The following MARCO variants were observed in gnomAD, a reference collection of about 807,000 sequenced individuals.
MARCO encodes macrophage receptor MARCO.
In MARCO, 72 loss-of-function variants were observed where a neutral mutation model predicts 70.0. The ratio of observed to expected loss-of-function variants is 1.03; its 90% CI spans 0.85 to 1.25. The LOEUF (loss-of-function observed/expected upper bound fraction) is 1.25, where lower values mean the gene tolerates loss of function less well. Among genes scored for constraint, MARCO ranks in the 50% most tolerant of loss-of-function variants. The pLI is 0.00. For missense variants in MARCO, 696 were observed against 659.3 expected (o/e 1.06, Z -0.61); for synonymous variants, 273 against 243.1 (o/e 1.12, Z -1.14).
At chr2:118,947,167 A>G (rs1679616093) in intron 1 of MARCO, among the ~76,000 whole-genome samples, 1 of 152,192 alleles carries the variant, frequency 6.6e-6, no homozygotes, top group African/African-American at 2.4e-5. Context: ...TTTAATTCTG[A>G]CAAGGTCCAA....
intron 1 of MARCO, among the ~76,000 whole-genome samples, chr2:118,954,510 A>T (rs1679791155): frequency 6.6e-6 from 1 of 152,174 alleles, no homozygotes; most frequent in Non-Finnish European, 1.5e-5. Context: ...GACAAAAGAC[A>T]TGTGATATTG....
At chr2:118,958,500 T>A (rs1432465080) in intron 1 of MARCO, among the ~76,000 whole-genome samples, 1 of 151,266 alleles carries the variant, frequency 6.6e-6, no homozygotes, top group Non-Finnish European at 1.5e-5. Flanking sequence ...GCTGAAAGAA[T>A]CATAGATGAC....
Position 118,974,384 on chromosome 2 carries a change from C to T in MARCO, c.512C>T (p.Pro171Leu), listed in dbSNP as rs150463190. 771 of 1,611,436 alleles carry T rather than the reference C, an allele frequency of 4.8e-4. No individual in the cohort carries two copies. The highest frequency in any genetic ancestry group is 1.3e-3 in the Middle Eastern group (8 of 6,060). Reference protein sequence around the residue: ...AMGMPGAPGPPGPPAEKGAKG... With the variant: ...AMGMPGAPGPLGPPAEKGAKG... ...GGCATGCCTGGTGCCCCTGGCCCGC[C>T]GGGACCACCTGCTGAGAAGGGAGCC... Residue 171 changes from proline (P) to leucine (L), a missense_variant, in exon 5 of 17, where the codon CCG (proline) becomes CTG (leucine). Physicochemically the swap from Pro to Leu is moderately conservative, Grantham distance 98. Transcript: ENST00000327097.
intron 1 of MARCO, among the ~76,000 whole-genome samples, chr2:118,955,546 A>C (rs1679818787): frequency 6.6e-6 from 1 of 152,208 alleles, no homozygotes; most frequent in Admixed American, 6.5e-5. Flanking sequence ...ATAATCAAGG[A>C]AAACTTTCCT....
chr2:118,969,168 C>T lies in MARCO; in HGVS notation c.106C>T (p.Pro36Ser), dbSNP rs1214019528. ...MEPFEINVPK[P>S]KRRNGVNFSL... ...CCTGGCTTGTGTTTCAGTTCCAAAG[C>T]CCAAGAGGAGAAATGGGGTGAACTT... is the stretch of plus-strand genomic sequence containing the variant. The change falls in exon 2 of 17, where the codon CCC becomes TCC. Residue 36 changes from proline to serine, a missense_variant. Around this residue, in one of 3 missense-constraint regions of MARCO, gnomAD observed 605 missense variants for 537.6 expected, o/e 1.13. Transcript: ENST00000327097. 1 of 1,613,178 alleles carries T rather than the reference C, an allele frequency of 6.2e-7. No homozygotes were observed. The highest frequency in any genetic ancestry group is 1.3e-5 in the African/African-American group (1 of 74,928).
chr2:118,944,459 T>C (rs1020095553), intron 1 of MARCO, among the ~76,000 whole-genome samples: 1 of 152,176 alleles, frequency 6.6e-6, no homozygotes. Flanking sequence ...ATTTTTTGTC[T>C]GCTGAAGATT....
intron 1 of MARCO, among the ~76,000 whole-genome samples, chr2:118,952,228 G>C (rs1049135227): frequency 2.6e-5 from 4 of 152,066 alleles, no homozygotes; most frequent in South Asian, 4.2e-4. Context: ...GTCCTGGAAG[G>C]CTCAACCCCT....
chr2:118,965,423 C>A (rs1278385861), intron 1 of MARCO, among the ~76,000 whole-genome samples: 3 of 151,680 alleles, frequency 2.0e-5, no homozygotes, highest in Non-Finnish European at 4.4e-5. Flanking sequence ...ATATGTTGTA[C>A]TATTTTGGTG....
chr2:118,962,741 A>T (rs191585091), intron 1 of MARCO, among the ~76,000 whole-genome samples: 21 of 152,162 alleles, frequency 1.4e-4, no homozygotes, highest in Admixed American at 1.2e-3. Flanking sequence ...CTGGGCCTGA[A>T]TATTTCTTTT....
rs748400760 is a variant in MARCO, at chr2:118,993,218, C to T, written c.1347C>T (p.Asp449=). The T allele has an allele frequency of 6.2e-6, 10 of 1,613,992 alleles. No individual in the cohort carries two copies. Among genetic ancestry groups the T allele is most frequent in the South Asian group, 2.2e-5 (2 of 91,084 alleles). ...YSGTWGTICD[D]EWQNSDAIVF... ...GTACCTGGGGGACAATTTGCGATGA[C>T]GAGTGGCAAAATTCTGATGCCATTG... The change falls in exon 16 of 17, where the codon GAC becomes GAT. Residue 449 remains aspartate (D), a synonymous_variant. Transcript: ENST00000327097.
intron 1 of MARCO, among the ~76,000 whole-genome samples, chr2:118,959,439 C>A (rs1679900412): frequency 6.6e-6 from 1 of 152,024 alleles, no homozygotes; most frequent in Non-Finnish European, 1.5e-5. Flanking sequence ...TGTGATACTA[C>A]CTTACTCCTG....
Position 118,977,951 on chromosome 2 carries a change from G to T in MARCO, c.766+16G>T, listed in dbSNP as rs760436457. 1.3e-6 allele frequency: 2 copies of T among 1,561,362 alleles called. No homozygotes were observed. Among genetic ancestry groups the T allele is most frequent in the Non-Finnish European group, 8.7e-7 (1 of 1,143,938 alleles). ...GGTCTCCCAGGTGAGGGCCGTATTG[G>T]GGGTGTCGGTGCTTGCCAGGAGGCC... On this transcript the variant is annotated intron_variant, in intron 8 of 16. Transcript: ENST00000327097.
At position 118,962,842 on chromosome 2, in the gene MARCO, T is replaced by C. The variant is rs149036167; in HGVS notation, c.98-6318T>C. 7.3e-3 allele frequency among the ~76,000 whole-genome samples: 1,106 copies of C among 152,226 alleles called. 10 individuals carry two copies. Among genetic ancestry groups the C allele is most frequent in the Non-Finnish European group, 0.012 (796 of 67,956 alleles). On this transcript the variant is annotated intron_variant, in intron 1 of 16. Transcript: ENST00000327097. The stretch of plus-strand genomic sequence containing the variant: ...ACCTTGGCTGAGTTTTGGTAGTTTG[T>C]GGCTTTTCAGGAACTAGCCTATTTC...
In MARCO at chr2:118,982,260, G is replaced by T. The variant is rs368869366; in HGVS notation, c.1000+6G>T. Reference sequence around the variant, plus strand: ...TGGCTCCCCTGGGCGAGCAGGTGAGGTCCTGGGTCCTATGGTGGGCACAGG... The same window carrying T: ...TGGCTCCCCTGGGCGAGCAGGTGAGTTCCTGGGTCCTATGGTGGGCACAGG... On this transcript the variant is annotated splice_donor_region_variant and intron_variant, in intron 11 of 16. Transcript: ENST00000327097. 7 of 1,612,754 alleles carry T rather than the reference G, an allele frequency of 4.3e-6. No individual in the cohort carries two copies. The African/African-American group carries it at 9.4e-5, about 22-fold the overall frequency.
chr2:118,993,002 A>G, intron 15 of MARCO, 122 bp from the exon 16 acceptor site: 1 of 889,542 alleles, frequency 1.1e-6, no homozygotes, highest in Non-Finnish European at 1.7e-6. Flanking sequence ...CTCTGGTGAC[A>G]GTCAAGCAGG....
chr2:118,967,203 C>G (rs1395962417), intron 1 of MARCO, among the ~76,000 whole-genome samples: 2 of 152,146 alleles, frequency 1.3e-5, no homozygotes, highest in Non-Finnish European at 2.9e-5. Flanking sequence ...CCCAGAGGAA[C>G]CAGAGAAGGT....
intron 12 of MARCO, among the ~76,000 whole-genome samples, chr2:118,987,452 T>A (rs1309772375): frequency 6.6e-6 from 1 of 152,218 alleles, no homozygotes; most frequent in African/African-American, 2.4e-5. Flanking sequence ...AGAGAAATGA[T>A]ACAAACCTCA....
intron 1 of MARCO, among the ~76,000 whole-genome samples, 157 bp from the exon 2 acceptor site, chr2:118,969,003 G>T (rs1454202624): frequency 6.6e-6 from 1 of 152,230 alleles, no homozygotes; most frequent in African/African-American, 2.4e-5. Context: ...CAAGAAAGAG[G>T]ATTGGGGGAT....
chr2:118,957,776 G>T (rs576139601), intron 1 of MARCO, among the ~76,000 whole-genome samples: 1 of 150,858 alleles, frequency 6.6e-6, no homozygotes, highest in African/African-American at 2.4e-5. Flanking sequence ...ACTAGTTATG[G>T]TGGATATCAT....
Sources: gnomAD v4.1 joint callset for allele counts (sites outside exome capture counted in the v4.1 genomes callset) on GRCh38, gnomAD v4.1.1 for gene constraint, gnomAD v4.1.1 regional missense constraint, MANE v1.5 for transcripts, NCBI Gene and HGNC (gene_info 2026-07-23, HGNC 2026-07-21) for gene names.